The following FAM171A1 variants were observed in gnomAD, a reference collection of about 807,000 sequenced individuals.
FAM171A1 encodes protein FAM171A1.
In FAM171A1, 23 loss-of-function variants were observed where a neutral mutation model predicts 74.9. The ratio of observed to expected loss-of-function variants is 0.31; its 90% CI spans 0.22 to 0.44. FAM171A1 has a LOEUF of 0.44. FAM171A1 is among the 20% of genes least tolerant of loss of function. The pLI, the probability that FAM171A1 is intolerant of heterozygous loss-of-function variation, is 1.00. For missense variants in FAM171A1, 1,162 were observed against 1,159.2 expected, an observed-to-expected ratio of 1.00 and a Z score of -0.03; for synonymous variants, 527 against 505.7, an observed-to-expected ratio of 1.04 and a Z score of -0.57.
At position 15,317,640 on chromosome 10, in the gene FAM171A1, G is replaced by A. The variant is rs1835438790; in HGVS notation, c.98-33535C>T. ...AAACTCCTGACCTTGTGATCTGCCT[G>A]CCTCAGCCTCCCAAAATGCTGGGAT... is the stretch of plus-strand genomic sequence containing the variant. On this transcript the variant is annotated intron_variant, in intron 1 of 7. Transcript: ENST00000378116. Among the ~76,000 whole-genome samples, 4 of 152,254 alleles carry A rather than the reference G, an allele frequency of 2.6e-5. No individual in the cohort carries two copies. In the South Asian group the frequency reaches 8.3e-4, roughly 32 times the overall value.
At chr10:15,280,916 G>A (rs1834960097) in intron 2 of FAM171A1, among the ~76,000 whole-genome samples, 1 of 152,224 alleles carries the variant, frequency 6.6e-6, no homozygotes, top group African/African-American at 2.4e-5. Context: ...CTAGTTAAGA[G>A]CATAACATGG....
chr10:15,279,401 A>G (rs1323026523), intron 2 of FAM171A1, among the ~76,000 whole-genome samples: 1 of 152,196 alleles, frequency 6.6e-6, no homozygotes, highest in Non-Finnish European at 1.5e-5. Flanking sequence ...GATGCAATCA[A>G]GCAGTGCCCA....
intron 3 of FAM171A1, among the ~76,000 whole-genome samples, chr10:15,275,242 A>C (rs897559005): frequency 1.3e-5 from 2 of 152,136 alleles, no homozygotes; most frequent in Non-Finnish European, 2.9e-5. Flanking sequence ...CCTAGAACTT[A>C]AAGTATGATG....
At chr10:15,333,352 T>C (rs749011176) in intron 1 of FAM171A1, among the ~76,000 whole-genome samples, 1 of 151,904 alleles carries the variant, frequency 6.6e-6, no homozygotes, top group Non-Finnish European at 1.5e-5. Context: ...ATGCAAAAAT[T>C]AGCTGGGCGT....
intron 5 of FAM171A1, among the ~76,000 whole-genome samples, chr10:15,243,216 G>A (rs1388159645): frequency 3.3e-5 from 5 of 152,016 alleles, no homozygotes; most frequent in African/African-American, 9.7e-5. Context: ...TCCGGCCTGC[G>A]CTCCCATCCT....
At chr10:15,319,254 G>A (rs558241187) in intron 1 of FAM171A1, among the ~76,000 whole-genome samples, 1 of 152,134 alleles carries the variant, frequency 6.6e-6, no homozygotes, top group South Asian at 2.1e-4. Context: ...AAAAGTCCAC[G>A]TTCACCAGAG....
chr10:15,275,798 T>C (rs1834885301), intron 3 of FAM171A1, 57 bp downstream of exon 3: 1 of 1,166,436 alleles, frequency 8.6e-7, no homozygotes, highest in Non-Finnish European at 1.3e-6. Context: ...CATAAATGTA[T>C]ACAATAATGT....
At chr10:15,294,692 T>C (rs191872780) in intron 1 of FAM171A1, among the ~76,000 whole-genome samples, 255 of 152,306 alleles carry the variant, frequency 1.7e-3, no homozygotes, top group Non-Finnish European at 2.4e-3. Context: ...CTTTTAGTCA[T>C]TTCCTTTCTA....
At chr10:15,239,947 G>A (rs939444160) in intron 5 of FAM171A1, among the ~76,000 whole-genome samples, 1 of 152,214 alleles carries the variant, frequency 6.6e-6, no homozygotes, top group Non-Finnish European at 1.5e-5. Context: ...ATTGCCTTTG[G>A]GCATGACCTT....
chr10:15,361,998 T>C (rs962348776), intron 1 of FAM171A1, among the ~76,000 whole-genome samples: 1 of 152,234 alleles, frequency 6.6e-6, no homozygotes, highest in Non-Finnish European at 1.5e-5. Flanking sequence ...AATTTTCACT[T>C]CCAAGGTATC....
intron 5 of FAM171A1, among the ~76,000 whole-genome samples, chr10:15,247,497 T>G (rs576184804): frequency 6.6e-6 from 1 of 152,112 alleles, no homozygotes; most frequent in Admixed American, 6.6e-5. Context: ...ACCTCTCAGA[T>G]AGCCAGCCCC....
chr10:15,334,211 T>C (rs535698131), intron 1 of FAM171A1, among the ~76,000 whole-genome samples: 20 of 152,294 alleles, frequency 1.3e-4, no homozygotes, highest in African/African-American at 2.9e-4. Flanking sequence ...CTAGCCCCCA[T>C]TCCCCTTTCA....
intron 1 of FAM171A1, among the ~76,000 whole-genome samples, chr10:15,367,116 G>A (rs1460224350): frequency 1.3e-5 from 2 of 152,108 alleles, no homozygotes; most frequent in Admixed American, 6.6e-5. Flanking sequence ...GGAGAATGGC[G>A]TGAACCTGGG....
intron 1 of FAM171A1, among the ~76,000 whole-genome samples, chr10:15,328,680 T>G (rs1835588310): frequency 6.6e-6 from 1 of 152,160 alleles, no homozygotes; most frequent in Admixed American, 6.5e-5. Flanking sequence ...TTCATCAGCT[T>G]CCTTGATTTC....
chr10:15,293,119 G>A (rs564847958), intron 1 of FAM171A1, among the ~76,000 whole-genome samples: 2 of 152,168 alleles, frequency 1.3e-5, no homozygotes, highest in South Asian at 2.1e-4. Flanking sequence ...TTGTGTTTCT[G>A]TTTTCTTCTT....
intron 1 of FAM171A1, among the ~76,000 whole-genome samples, chr10:15,346,876 A>T (rs946509987): frequency 6.6e-6 from 1 of 152,170 alleles, no homozygotes; most frequent in Non-Finnish European, 1.5e-5. Context: ...CTAAAAAGCC[A>T]CTGGAGAATT....
chr10:15,291,099 C>G (rs887926240), intron 1 of FAM171A1, among the ~76,000 whole-genome samples: 2 of 152,224 alleles, frequency 1.3e-5, no homozygotes, highest in African/African-American at 4.8e-5. Flanking sequence ...ATCCTCCTGC[C>G]TCAACCTCCC....
chr10:15,356,524 T>C (rs893753935), intron 1 of FAM171A1, among the ~76,000 whole-genome samples: 1 of 152,204 alleles, frequency 6.6e-6, no homozygotes, highest in South Asian at 2.1e-4. Flanking sequence ...CAACTACAGA[T>C]AGAACAGCCA....
At chr10:15,373,097 T>A (rs1031499318), upstream of FAM171A1, among the ~76,000 whole-genome samples, 8 of 152,194 alleles carry the variant, frequency 5.3e-5, no homozygotes, top group Non-Finnish European at 7.3e-5. Context: ...AGTTGGCTTA[T>A]AAAAGACAAA....
Sources: gnomAD v4.1 joint callset for allele counts (sites outside exome capture counted in the v4.1 genomes callset) on GRCh38, gnomAD v4.1.1 for gene constraint, MANE v1.5 for transcripts, NCBI Gene and HGNC (gene_info 2026-07-23, HGNC 2026-07-21) for gene names.